The following C8orf34 variants were observed in gnomAD, a reference collection of about 807,000 sequenced individuals.
C8orf34 encodes uncharacterized protein C8orf34.
In C8orf34, 65 loss-of-function variants were observed where a neutral mutation model predicts 68.3. The ratio of observed to expected loss-of-function variants is 0.95; its 90% CI spans 0.78 to 1.17. The LOEUF (loss-of-function observed/expected upper bound fraction) is 1.17. C8orf34 is among the 50% of genes most tolerant of loss of function. The pLI is 0.00. For missense variants in C8orf34, 664 were observed against 655.4 expected (o/e 1.01, Z -0.14); for synonymous variants, 244 against 241.2 (o/e 1.01, Z -0.11).
At chr8:68,710,445 G>T (rs188673378) in intron 9 of C8orf34, among the ~76,000 whole-genome samples, 2 of 152,232 alleles carry the variant, frequency 1.3e-5, no homozygotes, top group East Asian at 1.9e-4. Context: ...GGGGCACGGT[G>T]GGTGTACCAG....
intron 12 of C8orf34, chr8:68,791,699 C>T (rs1823998302): frequency 6.6e-6 from 1 of 152,144 alleles, no homozygotes; most frequent in South Asian, 2.1e-4. Context: ...AAGACTTCCC[C>T]ACTTGGGTTT....
At chr8:68,635,483 T>A (rs1452169018) in intron 7 of C8orf34, among the ~76,000 whole-genome samples, 3 of 152,218 alleles carry the variant, frequency 2.0e-5, no homozygotes, top group Non-Finnish European at 4.4e-5. Flanking sequence ...TTCTAATTCA[T>A]AACAAAATGG....
intron 7 of C8orf34, among the ~76,000 whole-genome samples, chr8:68,599,555 G>A (rs572170237): frequency 2.6e-5 from 4 of 151,932 alleles, no homozygotes; most frequent in African/African-American, 9.6e-5. Context: ...TACATACATA[G>A]TCTGAAAGGA....
At chr8:68,468,538 C>A (rs1049399073) in intron 3 of C8orf34, among the ~76,000 whole-genome samples, 154 bp from the exon 4 acceptor site, 1 of 152,044 alleles carries the variant, frequency 6.6e-6, no homozygotes, top group African/African-American at 2.4e-5. Context: ...GGCTTCATAT[C>A]TTCCCCTCTT....
At chr8:68,703,657 A>G (rs1177978890) in intron 8 of C8orf34, among the ~76,000 whole-genome samples, 1 of 150,626 alleles carries the variant, frequency 6.6e-6, no homozygotes, top group Non-Finnish European at 1.5e-5. Context: ...GCCTATGAAT[A>G]AATGCTTTGT....
chr8:68,643,249 A>G (rs1466079744), intron 8 of C8orf34, among the ~76,000 whole-genome samples: 1 of 152,194 alleles, frequency 6.6e-6, no homozygotes, highest in Non-Finnish European at 1.5e-5. Flanking sequence ...TAATTCTCCA[A>G]CACCAATCCA....
chr8:68,540,388 GAA>G (rs1442445233), intron 7 of C8orf34, among the ~76,000 whole-genome samples: 1 of 151,114 alleles, frequency 6.6e-6, no homozygotes, highest in Non-Finnish European at 1.5e-5. Context: ...CTTAATGACA[GAA>G]AAAATTTCAT....
At chr8:68,572,783 C>T (rs1586392324) in intron 7 of C8orf34, among the ~76,000 whole-genome samples, 2 of 152,062 alleles carry the variant, frequency 1.3e-5, no homozygotes, top group African/African-American at 2.4e-5. Flanking sequence ...CTAAGTTTAG[C>T]AGGATTGGAG....
chr8:68,554,799 G>A (rs1391321255), intron 7 of C8orf34, among the ~76,000 whole-genome samples: 1 of 152,050 alleles, frequency 6.6e-6, no homozygotes, highest in African/African-American at 2.4e-5. Context: ...TTCAAATGCA[G>A]TGTAACAAAA....
At chr8:68,457,874 A>G (rs745783664) in intron 3 of C8orf34, among the ~76,000 whole-genome samples, 14 of 152,090 alleles carry the variant, frequency 9.2e-5, no homozygotes, top group Non-Finnish European at 1.5e-4. Flanking sequence ...TTTTTAAAAC[A>G]TTTTTAAATG....
chr8:68,438,010 A>G (rs901642097), intron 1 of C8orf34: 2 of 152,150 alleles, frequency 1.3e-5, no homozygotes, highest in Non-Finnish European at 2.9e-5. Context: ...TCTGAGCACT[A>G]TATTTTGCTG....
chr8:68,584,037 T>C (rs968556931), intron 7 of C8orf34, among the ~76,000 whole-genome samples: 4 of 152,126 alleles, frequency 2.6e-5, no homozygotes, highest in African/African-American at 7.2e-5. Flanking sequence ...GGAAGAAAAA[T>C]GTTTGAAAAT....
At chr8:68,439,332 A>G in intron 1 of C8orf34, 167 bp from the exon 2 acceptor site, 1 of 532,774 alleles carries the variant, frequency 1.9e-6, no homozygotes, top group Non-Finnish European at 3.2e-6. Context: ...CCTCAGAATG[A>G]GGGCAGTAAC....
intron 7 of C8orf34, among the ~76,000 whole-genome samples, chr8:68,584,991 C>G (rs149041690): frequency 3.3e-5 from 5 of 152,108 alleles, no homozygotes; most frequent in African/African-American, 1.2e-4. Flanking sequence ...TTCCTGGACT[C>G]TAAGGCAGGC....
At chr8:68,462,823 C>G (rs978824030) in intron 3 of C8orf34, among the ~76,000 whole-genome samples, 2 of 151,836 alleles carry the variant, frequency 1.3e-5, no homozygotes, top group Non-Finnish European at 2.9e-5. Flanking sequence ...ACACTAAATG[C>G]CCACAAAAGA....
chr8:68,670,396 G>T (rs1244714440), intron 8 of C8orf34, among the ~76,000 whole-genome samples: 1 of 152,044 alleles, frequency 6.6e-6, no homozygotes, highest in South Asian at 2.1e-4. Context: ...AACCAAGAAC[G>T]TTTAACAACC....
intron 8 of C8orf34, among the ~76,000 whole-genome samples, chr8:68,703,711 A>T (rs1461622833): frequency 6.6e-6 from 1 of 151,978 alleles, no homozygotes; most frequent in East Asian, 1.9e-4. Context: ...CTCCTCAAAA[A>T]TTCTTGTGGG....
chr8:68,572,849 A>T (rs1384459814), intron 7 of C8orf34, among the ~76,000 whole-genome samples: 1 of 152,132 alleles, frequency 6.6e-6, no homozygotes, highest in Admixed American at 6.6e-5. Flanking sequence ...TCAAATCATT[A>T]TGGATAATGA....
intron 7 of C8orf34, chr8:68,535,340 A>G (rs1177622276): frequency 3.1e-6 from 3 of 983,004 alleles, no homozygotes; most frequent in Non-Finnish European, 3.6e-6. Context: ...GTGTTTGTAA[A>G]TGTTTAACTT....
Sources: gnomAD v4.1 joint callset for allele counts (sites outside exome capture counted in the v4.1 genomes callset) on GRCh38, gnomAD v4.1.1 for gene constraint, MANE v1.5 for transcripts, NCBI Gene and HGNC (gene_info 2026-07-23, HGNC 2026-07-21) for gene names.